The following KIAA1210 variants were observed in gnomAD, a reference collection of about 807,000 sequenced individuals.
KIAA1210 encodes the protein acrosomal protein KIAA1210.
KIAA1210 carries 48 observed loss-of-function variants against 78.9 expected under a neutral mutation model. That is an observed-to-expected ratio of 0.61 (90% CI 0.48 to 0.77). The LOEUF is 0.77. KIAA1210 is among the 30% of genes least tolerant of loss of function. KIAA1210 has a pLI of 0.00. For missense variants in KIAA1210, 1,108 were observed against 1,100.0 expected (o/e 1.01, Z -0.10); for synonymous variants, 406 against 404.5 (o/e 1.00, Z -0.04).
intron 8 of KIAA1210, among the ~76,000 whole-genome samples, chrX:119,092,851 CTT>C (rs773065391): frequency 9.2e-6 from 1 of 108,802 alleles, no homozygotes; most frequent in Admixed American, 9.8e-5. Context: ...CTTCCTTTTT[CTT>C]TTTTTTTCTG....
chrX:119,134,985 A>G (rs1012558539), intron 2 of KIAA1210, among the ~76,000 whole-genome samples: 4 of 112,619 alleles, frequency 3.6e-5, no homozygotes, highest in Admixed American at 9.4e-5. Context: ...TTTTATGTGC[A>G]TTATCTAATT....
chrX:119,110,931 T>TC (rs1491073920), intron 3 of KIAA1210, among the ~76,000 whole-genome samples: 2 of 110,437 alleles, frequency 1.8e-5, no homozygotes, highest in Non-Finnish European at 3.8e-5. Context: ...TTTTTTTTTT[T>TC]TCCAGAAAAT....
rs77566683 is a variant in KIAA1210, at chrX:119,121,870, G to A, written c.61+1712C>T. Among the ~76,000 whole-genome samples, 5 of 109,325 alleles carry A rather than the reference G, an allele frequency of 4.6e-5. No homozygotes were observed. In the East Asian group the frequency reaches 1.4e-3, roughly 31 times the overall value. The allele number at this position is 109,325 out of a possible 115,157, so 94.9% of individuals were successfully genotyped here. A position where few individuals can be genotyped will look rare whatever the true frequency, so the allele number is the denominator to read the frequency against. On this transcript the variant is annotated intron_variant, in intron 2 of 11. Transcript: ENST00000691062. Reference sequence around the variant, plus strand: ...TGCAACCTCCACCTCCCGGGTTCACGCCATTCTTCTGCCTCAGCCTCCCAA... The same window carrying A: ...TGCAACCTCCACCTCCCGGGTTCACACCATTCTTCTGCCTCAGCCTCCCAA...
chrX:119,129,809 C>T (rs1928747396), upstream of KIAA1210, among the ~76,000 whole-genome samples: 2 of 111,533 alleles, frequency 1.8e-5, no homozygotes, highest in African/African-American at 6.5e-5. Flanking sequence ...AAAAGAAACG[C>T]TGCCTCTTCC....
At chrX:119,120,246 C>G (rs1271668111) in intron 2 of KIAA1210, among the ~76,000 whole-genome samples, 1 of 111,932 alleles carries the variant, frequency 8.9e-6, no homozygotes, top group Non-Finnish European at 1.9e-5. Flanking sequence ...ACAGGTGGAT[C>G]TCATTCTGGC....
At chrX:119,100,788 C>T (rs1164627938) in intron 6 of KIAA1210, among the ~76,000 whole-genome samples, 1 of 112,295 alleles carries the variant, frequency 8.9e-6, no homozygotes, top group Admixed American at 9.4e-5. Context: ...ACCGTGTACA[C>T]ATTATTTAGC....
chrX:119,148,077 C>A (rs1204477816), intron 1 of KIAA1210, among the ~76,000 whole-genome samples: 1 of 111,321 alleles, frequency 9.0e-6, no homozygotes, highest in Non-Finnish European at 1.9e-5. Context: ...GAGTTCAAGG[C>A]TGCAGGGAGC....
Position 119,087,894 on chromosome X carries a change from G to C in KIAA1210, c.2808C>G (p.Asp936Glu). ...AHPESTTVEE[D>E]ISKEQLLPRH... ...TGGGAAGCAGCTGCTCCTTAGAAAT[G>C]TCCTCTTCAACAGTAGTGCTTTCTG... Residue 936 changes from aspartate (D) to glutamate (E), a missense_variant, in exon 9 of 12, where the codon GAC becomes GAG. Transcript: ENST00000691062. 8.3e-7 allele frequency: 1 copy of C among 1,211,743 alleles called. No homozygotes were observed. The highest frequency in any genetic ancestry group is 1.1e-6 in the Non-Finnish European group (1 of 895,394).
exon 1 of KIAA1210, chrX:119,150,445 G>C: frequency 8.3e-7 from 1 of 1,211,911 alleles, no homozygotes; most frequent in South Asian, 1.8e-5. Flanking sequence ...AACTGCAACA[G>C]CCTTGGGAAT....
At chrX:119,092,100 AT>A (rs766138574) in intron 8 of KIAA1210, among the ~76,000 whole-genome samples, 14 of 112,233 alleles carry the variant, frequency 1.2e-4, no homozygotes, top group East Asian at 2.8e-4. Context: ...AAATAAAAAC[AT>A]TTTTTTAAAC....
chrX:119,090,389 A>G (rs990675631), intron 8 of KIAA1210, among the ~76,000 whole-genome samples: 1 of 110,936 alleles, frequency 9.0e-6, no homozygotes, highest in African/African-American at 3.3e-5. Context: ...CTCCTGCCTC[A>G]GCCTCCTGAG....
intron 2 of KIAA1210, among the ~76,000 whole-genome samples, chrX:119,138,000 GA>G (rs1928954906): frequency 9.0e-6 from 1 of 111,299 alleles, no homozygotes; most frequent in African/African-American, 3.3e-5. Flanking sequence ...CTAGTATGCT[GA>G]GATTTAGATG....
At chrX:119,107,866 CT>C (rs1927939488) in intron 5 of KIAA1210, among the ~76,000 whole-genome samples, 1 of 111,922 alleles carries the variant, frequency 8.9e-6, no homozygotes, top group Non-Finnish European at 1.9e-5. Context: ...TCAGCTCCCC[CT>C]GAAGCATTTC....
At chrX:119,119,702 C>T (rs1220016597) in intron 2 of KIAA1210, among the ~76,000 whole-genome samples, 3 of 111,288 alleles carry the variant, frequency 2.7e-5, no homozygotes, top group Non-Finnish European at 3.8e-5. Context: ...AAAGGCCGGG[C>T]GCGGTGGCTC....
intron 2 of KIAA1210, among the ~76,000 whole-genome samples, chrX:119,123,043 C>T (rs764738310): frequency 2.8e-4 from 31 of 112,392 alleles, no homozygotes; most frequent in East Asian, 5.6e-4. Flanking sequence ...GTGTGTAAAG[C>T]TTATCATTGT....
intron 2 of KIAA1210, among the ~76,000 whole-genome samples, chrX:119,122,897 T>C (rs1456565881): frequency 8.9e-6 from 1 of 111,969 alleles, no homozygotes; most frequent in African/African-American, 3.3e-5. Context: ...CCAGACAAAG[T>C]TTTCTGTACC....
At position 119,079,005 on chromosome X, in the gene KIAA1210, T is replaced by C. The variant is rs1481001157; in HGVS notation, c.*2324A>G. 1 of 112,747 alleles carries C rather than the reference T, an allele frequency of 8.9e-6. No individual in the cohort carries two copies. 9.3% of individuals were successfully genotyped at this position (112,747 alleles called of 1,213,427 possible). A position where few individuals can be genotyped will look rare whatever the true frequency, so the allele number is the denominator to read the frequency against. Reference sequence around the variant, plus strand: ...GTACCCAGATAAAGGGCATCTACCTTAATATATTGTTCACTATGGGAATAC... The same window carrying C: ...GTACCCAGATAAAGGGCATCTACCTCAATATATTGTTCACTATGGGAATAC... On this transcript the variant is annotated 3_prime_UTR_variant, in exon 12 of 12. Coordinates refer to ENST00000691062, the MANE Select transcript of KIAA1210 (RefSeq NM_001394962.1).
chrX:119,103,877 G>A (rs758302571), intron 6 of KIAA1210, among the ~76,000 whole-genome samples: 1 of 112,094 alleles, frequency 8.9e-6, no homozygotes, highest in Non-Finnish European at 1.9e-5. Context: ...TTCCATTTAC[G>A]TGAAATATCC....
chrX:119,094,706 G>A (rs778609877), intron 7 of KIAA1210, among the ~76,000 whole-genome samples: 2 of 111,737 alleles, frequency 1.8e-5, no homozygotes, highest in Non-Finnish European at 3.8e-5. Flanking sequence ...GGAGAAAGTG[G>A]TAGTAGTCCC....
Sources: allele counts gnomAD v4.1 joint callset (sites outside exome capture counted in the v4.1 genomes callset), GRCh38; gene constraint gnomAD v4.1.1; transcripts MANE v1.5; gene names NCBI Gene and HGNC (gene_info 2026-07-23, HGNC 2026-07-21).